SPECC1: variants seen among roughly 807,000 people sequenced by gnomAD.
SPECC1 encodes sperm antigen with calponin homology and coiled-coil domains 1, also known as cytospin-B.
Under a neutral mutation model 104.1 loss-of-function variants are expected in SPECC1, and 62 were observed. The observed-to-expected ratio is 0.60, with a 90% CI of 0.49 to 0.74. SPECC1 has a LOEUF of 0.74. Ranked by LOEUF, SPECC1 falls within the 30% of genes least tolerant of loss-of-function variation. The pLI is 0.00. For synonymous variants in SPECC1, 513 were observed against 501.6 expected (o/e 1.02, Z -0.30); for missense variants, 1,306 against 1,310.5 (o/e 1.00, Z 0.05).
chr17:20,261,258 T>G (rs1451325295), intron 12 of SPECC1, among the ~76,000 whole-genome samples: 1 of 151,780 alleles, frequency 6.6e-6, no homozygotes, highest in Non-Finnish European at 1.5e-5. Flanking sequence ...ATCCTAGCAC[T>G]TTGGGAGGCC....
chr17:20,220,211 T>C lies in SPECC1; in HGVS notation c.1864-7202T>C, dbSNP rs150181114. Among the ~76,000 whole-genome samples the C allele has an allele frequency of 6.8e-3, 1,042 of 152,240 alleles. 12 individuals are homozygous for C. The highest frequency in any genetic ancestry group is 0.024 in the African/African-American group (994 of 41,574). On this transcript the variant is annotated intron_variant, in intron 4 of 14. Transcript: ENST00000395527. ...AGGATTTAAAAAAAATTATAAAGAA[T>C]GTCATTGGTATTTTGATAGGGATTG...
At chr17:20,301,798 C>T (rs1296109936) in intron 13 of SPECC1, among the ~76,000 whole-genome samples, 1 of 152,066 alleles carries the variant, frequency 6.6e-6, no homozygotes, top group Non-Finnish European at 1.5e-5. Context: ...CTCCGCCTCC[C>T]AAGTCCAAGC....
chr17:20,092,858 A>G (rs780168014), intron 1 of SPECC1, among the ~76,000 whole-genome samples: 1 of 152,214 alleles, frequency 6.6e-6, no homozygotes, highest in Non-Finnish European at 1.5e-5. Context: ...CAATGTCAAC[A>G]GTGGAGCTGA....
chr17:20,024,966 A>T (rs780318182), intron 1 of SPECC1, among the ~76,000 whole-genome samples: 1 of 152,326 alleles, frequency 6.6e-6, no homozygotes, highest in South Asian at 2.1e-4. Context: ...ACTTTGCACA[A>T]TGTAGATAAA....
intron 3 of SPECC1, among the ~76,000 whole-genome samples, chr17:20,122,634 TC>T (rs2049092797): frequency 6.6e-6 from 1 of 152,202 alleles, no homozygotes; most frequent in Admixed American, 6.5e-5. Flanking sequence ...AACACTCGCT[TC>T]CCATTCCCCT....
At position 20,317,370 on chromosome 17, in the gene SPECC1, C is replaced by A. The variant is rs1598192005; in HGVS notation, c.*3305C>A. 5.5e-5 allele frequency: 9 copies of A among 162,328 alleles called. No individual in the cohort carries two copies. The East Asian group carries it at 1.1e-3, about 20-fold the overall frequency. The allele number at this position is 162,328 out of a possible 1,614,324, so 10.1% of individuals were successfully genotyped here. A position where few individuals can be genotyped will look rare whatever the true frequency, so the allele number is the denominator to read the frequency against. ...CCGCCTCCCAGGTTCAAGAGATTCT[C>A]CTGCCTTAGCCTCCTAAGTAGCTGG... On this transcript the variant is annotated 3_prime_UTR_variant, in exon 15 of 15. Coordinates refer to ENST00000395527, the MANE Select transcript of SPECC1 (RefSeq NM_001243439.2).
chr17:20,227,452 C>A lies in SPECC1; in HGVS notation c.1903C>A (p.His635Asn), dbSNP rs772452793. ...TTCATACCTGAAGGAGATATGTGAT[C>A]ACCAAGCCGAACAGCTGAGCAGAAC... ...DYSYLKEICD[H>N]QAEQLSRTSL... Residue 635 changes from histidine to asparagine, a missense_variant, in exon 5 of 15, where the codon CAC becomes AAC. This residue lies in a region of SPECC1 where 1,177 missense variants were observed against 1,139.9 expected (regional missense o/e 1.03). Coordinates refer to ENST00000395527, the MANE Select transcript of SPECC1 (RefSeq NM_001243439.2). 1 of 1,613,396 alleles carries A rather than the reference C, an allele frequency of 6.2e-7. No individual in the cohort carries two copies. The highest frequency in any genetic ancestry group is 8.5e-7 in the Non-Finnish European group (1 of 1,179,844).
At chr17:20,209,775 T>C (rs2037017222) in intron 4 of SPECC1, among the ~76,000 whole-genome samples, 1 of 152,234 alleles carries the variant, frequency 6.6e-6, no homozygotes, top group African/African-American at 2.4e-5. Context: ...TTGTTGTTTT[T>C]CCAGACAATA....
chr17:20,272,947 T>C (rs1259510018), intron 12 of SPECC1, among the ~76,000 whole-genome samples: 1 of 152,226 alleles, frequency 6.6e-6, no homozygotes, highest in Admixed American at 6.5e-5. Context: ...TTTAGGTCTC[T>C]ATCTTTATGC....
intron 4 of SPECC1, among the ~76,000 whole-genome samples, chr17:20,222,527 T>C (rs1285809654): frequency 5.3e-5 from 8 of 152,242 alleles, no homozygotes; most frequent in Non-Finnish European, 7.3e-5. Context: ...TTCTGTCTTA[T>C]TAACTTTTTG....
At chr17:20,288,385 G>GA (rs202238388) in intron 12 of SPECC1, among the ~76,000 whole-genome samples, 3 of 149,036 alleles carry the variant, frequency 2.0e-5, no homozygotes, top group South Asian at 2.1e-4. Flanking sequence ...AAATTTAGAA[G>GA]AAAAAAAAAC....
intron 1 of SPECC1, among the ~76,000 whole-genome samples, chr17:20,013,663 C>T (rs765218689): frequency 1.4e-4 from 21 of 152,086 alleles, no homozygotes; most frequent in South Asian, 4.1e-4. Context: ...CCACTATGCC[C>T]GGCTAATTTT....
intron 1 of SPECC1, among the ~76,000 whole-genome samples, chr17:20,058,891 G>A (rs370621446): frequency 4.7e-4 from 68 of 143,504 alleles, no homozygotes; most frequent in African/African-American, 1.7e-3. Context: ...CCAGGCTGGA[G>A]TGCAGTGGCG....
rs2042003509 is a variant in SPECC1 at position 20,314,207 on chromosome 17, C to T, written c.*142C>T. On this transcript the variant is annotated 3_prime_UTR_variant, in exon 15 of 15. Transcript: ENST00000395527. ...CAGGCTCAATCCAAGTGGACCAACA[C>T]CCAAATAAGAAACAGAGTGGGTCCC... 1 of 690,678 alleles carries T rather than the reference C, an allele frequency of 1.4e-6. No individual in the cohort carries two copies. Among genetic ancestry groups the T allele is most frequent in the Non-Finnish European group, 2.5e-6 (1 of 393,948 alleles). 42.8% of individuals were successfully genotyped at this position (690,678 alleles called of 1,614,324 possible). A position where few individuals can be genotyped will look rare whatever the true frequency, so the allele number is the denominator to read the frequency against.
At chr17:20,291,885 C>T (rs2041178777) in intron 12 of SPECC1, among the ~76,000 whole-genome samples, 1 of 150,828 alleles carries the variant, frequency 6.6e-6, no homozygotes, top group African/African-American at 2.4e-5. Flanking sequence ...GCTCATTGAG[C>T]ATTTGGTTTT....
chr17:20,260,598 G>C (rs1418300502), intron 12 of SPECC1, among the ~76,000 whole-genome samples: 1 of 152,214 alleles, frequency 6.6e-6, no homozygotes, highest in Non-Finnish European at 1.5e-5. Flanking sequence ...ACTGGCCACA[G>C]GTTCTTGGGC....
chr17:20,219,549 T>C (rs1007855983), intron 4 of SPECC1, among the ~76,000 whole-genome samples: 6 of 152,224 alleles, frequency 3.9e-5, no homozygotes, highest in Non-Finnish European at 8.8e-5. Flanking sequence ...ATTGAATTGT[T>C]TAAGCTCCTT....
At chr17:20,200,487 G>A (rs542132285) in intron 3 of SPECC1, among the ~76,000 whole-genome samples, 15 of 152,274 alleles carry the variant, frequency 9.9e-5, no homozygotes, top group Admixed American at 5.2e-4. Flanking sequence ...AAGTGATGAC[G>A]GGGTGGGAGC....
chr17:20,046,011 CT>C (rs2045525934), intron 1 of SPECC1, among the ~76,000 whole-genome samples: 1 of 133,346 alleles, frequency 7.5e-6, no homozygotes, highest in South Asian at 2.3e-4. Flanking sequence ...TTATACCTTT[CT>C]AAAAAAAAAA....
Sources: gnomAD v4.1 joint callset for allele counts (sites outside exome capture counted in the v4.1 genomes callset) on GRCh38, gnomAD v4.1.1 for gene constraint, gnomAD v4.1.1 regional missense constraint, MANE v1.5 for transcripts, NCBI Gene and HGNC (gene_info 2026-07-23, HGNC 2026-07-21) for gene names.